The following CPLANE1 variants were observed in gnomAD, a reference collection of about 807,000 sequenced individuals.
CPLANE1 encodes ciliogenesis and planar polarity effector complex subunit 1, also known as ciliogenesis and planar polarity effector 1.
CPLANE1 carries 263 observed loss-of-function variants against 362.5 expected under a neutral mutation model. The ratio of observed to expected loss-of-function variants is 0.73; its 90% confidence interval spans 0.66 to 0.80. The LOEUF (loss-of-function observed/expected upper bound fraction) is 0.80, where lower values mean the gene tolerates loss of function less well. Among genes scored for constraint, CPLANE1 ranks in the 30% least tolerant of loss-of-function variants. The pLI, the probability that CPLANE1 is intolerant of heterozygous loss-of-function variation, is 0.00. For missense variants in CPLANE1, 3,461 were observed against 3,793.4 expected, an observed-to-expected ratio of 0.91 and a Z score of 2.30; for synonymous variants, 1,212 against 1,302.6, an observed-to-expected ratio of 0.93 and a Z score of 1.50.
intron 37 of CPLANE1, among the ~76,000 whole-genome samples, chr5:37,163,495 T>G (rs1310287016): frequency 1.3e-5 from 2 of 152,074 alleles, no homozygotes; most frequent in African/African-American, 4.8e-5. Context: ...AAGTCTACTG[T>G]GAGAGTTTGG....
the CPLANE1 span, among the ~76,000 whole-genome samples, chr5:37,078,558 A>G: frequency 6.6e-6 from 1 of 152,178 alleles, no homozygotes; most frequent in Non-Finnish European, 1.5e-5. Flanking sequence ...TCCTTTGGAT[A>G]TATACCCAGC....
intron 47 of CPLANE1, among the ~76,000 whole-genome samples, chr5:37,123,258 T>C (rs1022837150): frequency 2.0e-5 from 3 of 152,338 alleles, no homozygotes; most frequent in South Asian, 2.1e-4. Flanking sequence ...TTAAGAACTA[T>C]TGGTGTGAGT....
chr5:37,076,596 G>A, the CPLANE1 span, among the ~76,000 whole-genome samples: 4 of 152,004 alleles, frequency 2.6e-5, no homozygotes, highest in Non-Finnish European at 5.9e-5. Flanking sequence ...ACAGGCATGA[G>A]CCACCACACC....
intron 18 of CPLANE1, among the ~76,000 whole-genome samples, chr5:37,204,313 C>T (rs1790063791): frequency 6.6e-6 from 1 of 152,094 alleles, no homozygotes; most frequent in Non-Finnish European, 1.5e-5. Flanking sequence ...AGCAAAGCAC[C>T]AATAAAAACA....
the CPLANE1 span, among the ~76,000 whole-genome samples, chr5:37,096,883 T>C: frequency 5.3e-5 from 8 of 151,598 alleles, no homozygotes; most frequent in Non-Finnish European, 8.8e-5. Flanking sequence ...AGAATGGCCA[T>C]AGTAAAAAAA....
intron 50 of CPLANE1, among the ~76,000 whole-genome samples, chr5:37,117,645 G>C (rs1761412851): frequency 6.6e-6 from 1 of 152,138 alleles, no homozygotes; most frequent in Non-Finnish European, 1.5e-5. Context: ...GGTTCTATGG[G>C]GAAAGGAGGT....
chr5:37,113,164 A>G (rs2149948499), intron 51 of CPLANE1, among the ~76,000 whole-genome samples: 1 of 152,310 alleles, frequency 6.6e-6, no homozygotes, highest in South Asian at 2.1e-4. Context: ...CTGTGTCCCC[A>G]ACCAAATCTC....
chr5:37,153,912 A>G lies in CPLANE1; in HGVS notation c.8201T>C (p.Leu2734Pro). ...AGGGCAAGCTGCAGAGACACCTTGCAGCCGTTTCCACAATAGATAATCTTC... is the reference window on the plus strand; with the variant it reads ...AGGGCAAGCTGCAGAGACACCTTGCGGCCGTTTCCACAATAGATAATCTTC... ...SAEDYLLWKR[L>P]QGVSAACPAP... The change falls in exon 42 of 53, where the codon CTG becomes CCG. Residue 2734 changes from leucine (L) to proline (P), a missense_variant. This residue lies in a region of CPLANE1 where 3,380 missense variants were observed against 3,666.1 expected (regional missense o/e 0.92). Transcript: ENST00000651892. The G allele has an allele frequency of 6.2e-7, 1 of 1,614,148 alleles. No homozygotes were observed. The highest frequency in any genetic ancestry group is 8.5e-7 in the Non-Finnish European group (1 of 1,180,026).
intron 44 of CPLANE1, chr5:37,141,572 C>T (rs902294885): frequency 5.2e-6 from 5 of 955,100 alleles, no homozygotes; most frequent in African/African-American, 1.8e-5. Flanking sequence ...ACAGTAATGC[C>T]ATTTAAAATA....
intron 8 of CPLANE1, among the ~76,000 whole-genome samples, chr5:37,235,134 A>G (rs919371119): frequency 6.6e-6 from 1 of 152,186 alleles, no homozygotes; most frequent in Non-Finnish European, 1.5e-5. Flanking sequence ...ATTTCAGGAT[A>G]CTTTATATTA....
chr5:37,153,437 T>G (rs1247767784), intron 42 of CPLANE1, among the ~76,000 whole-genome samples: 1 of 152,210 alleles, frequency 6.6e-6, no homozygotes, highest in Non-Finnish European at 1.5e-5. Context: ...AGGGTGATTT[T>G]GGCTCCCAGG....
intron 16 of CPLANE1, chr5:37,211,896 T>C (rs1280103539): frequency 1.3e-6 from 1 of 788,280 alleles, no homozygotes; most frequent in Non-Finnish European, 2.3e-6. Flanking sequence ...GGATGGGCCC[T>C]CTCCTGCCGG....
intron 38 of CPLANE1, among the ~76,000 whole-genome samples, chr5:37,160,784 G>T (rs1489750120): frequency 6.7e-6 from 1 of 148,242 alleles, no homozygotes; most frequent in Non-Finnish European, 1.5e-5. Context: ...CCATTCTCCT[G>T]CCTCAGCCTC....
At chr5:37,225,608 T>G (rs1796291102) in intron 12 of CPLANE1, among the ~76,000 whole-genome samples, 1 of 152,014 alleles carries the variant, frequency 6.6e-6, no homozygotes, top group Admixed American at 6.5e-5. Context: ...TCCCAACACT[T>G]TGGGAGGCTG....
chr5:37,173,539 A>C (rs1780363864), intron 32 of CPLANE1, among the ~76,000 whole-genome samples: 1 of 152,054 alleles, frequency 6.6e-6, no homozygotes, highest in Non-Finnish European at 1.5e-5. Flanking sequence ...TCCTGGCCTC[A>C]AGCAATCCTC....
In CPLANE1 at chr5:37,158,304, C is replaced by CAT; in HGVS notation, c.7730_7731dup (p.Val2578MetfsTer4). 1 of 1,613,854 alleles carries CAT rather than the reference C, an allele frequency of 6.2e-7. No homozygotes were observed. Among genetic ancestry groups the CAT allele is most frequent in the Non-Finnish European group, 8.5e-7 (1 of 1,179,872 alleles). ...CTGGAAAGCTTCAGATTTAGATAGA[C>CAT]ATCTGGGACCAAGAGCTGAGGAGCA... On this transcript the variant is annotated frameshift_variant, in exon 39 of 53. Coordinates refer to ENST00000651892, the MANE Select transcript of CPLANE1 (RefSeq NM_001384732.1). LOFTEE classifies it high-confidence loss of function.
intron 46 of CPLANE1, among the ~76,000 whole-genome samples, chr5:37,133,027 A>ATT (rs1766440672): frequency 6.6e-6 from 1 of 152,062 alleles, no homozygotes; most frequent in East Asian, 1.9e-4. Flanking sequence ...ATAGGGAGTC[A>ATT]TTTCCCCTGC....
At chr5:37,160,950 C>T (rs1361732184) in intron 38 of CPLANE1, among the ~76,000 whole-genome samples, 1 of 152,118 alleles carries the variant, frequency 6.6e-6, no homozygotes, top group Non-Finnish European at 1.5e-5. Context: ...GGATTACAGG[C>T]GTGAGCCACC....
intron 34 of CPLANE1, 119 bp downstream of exon 34, chr5:37,168,672 A>G (rs1007232274): frequency 3.5e-6 from 3 of 847,470 alleles, no homozygotes; most frequent in Non-Finnish European, 3.6e-6. Context: ...TTTATATGCT[A>G]TTTTCTATAA....
Sources: allele counts gnomAD v4.1 joint callset (sites outside exome capture counted in the v4.1 genomes callset), GRCh38; gene constraint gnomAD v4.1.1; regional missense constraint gnomAD v4.1.1; transcripts MANE v1.5; gene names NCBI Gene and HGNC (gene_info 2026-07-23, HGNC 2026-07-21).